CTNND2: variants seen among roughly 807,000 people sequenced by gnomAD.
The protein encoded by CTNND2 is catenin delta 2.
A neutral mutation model predicts 144.4 loss-of-function variants in CTNND2; 22 were observed. That is an observed-to-expected ratio of 0.15 (90% CI 0.11 to 0.22). The LOEUF (loss-of-function observed/expected upper bound fraction) is 0.22, where lower values mean the gene tolerates loss of function less well. Ranked by LOEUF, CTNND2 falls within the 10% of genes least tolerant of loss-of-function variation. The probability of loss-of-function intolerance (pLI) is 1.00; values close to 1 mark genes in which losing one functional copy is unlikely to be tolerated. For synonymous variants in CTNND2, 751 were observed against 695.6 expected (o/e 1.08, Z -1.25); for missense variants, 1,353 against 1,618.8 (o/e 0.84, Z 2.82).
chr5:11,143,595 C>T (rs1756953889), intron 12 of CTNND2, among the ~76,000 whole-genome samples: 1 of 152,182 alleles, frequency 6.6e-6, no homozygotes, highest in Admixed American at 6.5e-5. Context: ...TGGAGCCCAT[C>T]CTAATGACTT....
chr5:11,492,009 C>A (rs1769433619), intron 3 of CTNND2, among the ~76,000 whole-genome samples: 1 of 152,156 alleles, frequency 6.6e-6, no homozygotes, highest in Admixed American at 6.6e-5. Context: ...ATCATCATAA[C>A]CTTTGCAATG....
chr5:11,177,242 G>A (rs780430454), intron 11 of CTNND2, among the ~76,000 whole-genome samples: 5 of 152,164 alleles, frequency 3.3e-5, no homozygotes, highest in African/African-American at 7.2e-5. Flanking sequence ...AGAGAGTGAG[G>A]TTTAGACATT....
intron 3 of CTNND2, among the ~76,000 whole-genome samples, chr5:11,532,213 G>A (rs1048942370): frequency 1.6e-4 from 24 of 152,022 alleles, no homozygotes; most frequent in Admixed American, 1.4e-3. Flanking sequence ...CTACACCACA[G>A]CCCAACTTCT....
intron 3 of CTNND2, among the ~76,000 whole-genome samples, chr5:11,564,552 C>A (rs1776925329): frequency 6.6e-6 from 1 of 151,734 alleles, no homozygotes; most frequent in African/African-American, 2.4e-5. Flanking sequence ...TTAGCAAAAA[C>A]AATACTGGTT....
In CTNND2 at chr5:11,256,020, G is replaced by A. The variant is rs368360714; in HGVS notation, c.1629-19197C>T. ...GGACTTTGTTCCAGAACAGCCCTGCGTTCCGGCCACTGCCTCCTCCCTGGC... is the reference window on the plus strand; with the variant it reads ...GGACTTTGTTCCAGAACAGCCCTGCATTCCGGCCACTGCCTCCTCCCTGGC... On this transcript the variant is annotated intron_variant, in intron 9 of 21. Coordinates refer to ENST00000304623, the MANE Select transcript of CTNND2 (RefSeq NM_001332.4). Among the ~76,000 whole-genome samples, 6 of 152,128 alleles carry A rather than the reference G, an allele frequency of 3.9e-5. 1 individual carries two copies. Among genetic ancestry groups the A allele is most frequent in the Admixed American group, 2.0e-4 (3 of 15,278 alleles).
chr5:11,815,217 A>C (rs1176239481), intron 1 of CTNND2, among the ~76,000 whole-genome samples: 1 of 152,132 alleles, frequency 6.6e-6, no homozygotes, highest in Non-Finnish European at 1.5e-5. Context: ...TAATTCAAAA[A>C]CCATAGAGAA....
At chr5:11,098,128 G>GTTCTTTTCTT (rs3032097) in intron 15 of CTNND2, among the ~76,000 whole-genome samples, 1 of 151,306 alleles carries the variant, frequency 6.6e-6, no homozygotes, top group Non-Finnish European at 1.5e-5. Flanking sequence ...AACATAAGGG[G>GTTCTTTTCTT]TTCTTTTCTT....
intron 11 of CTNND2, among the ~76,000 whole-genome samples, chr5:11,167,367 T>C (rs138494693): frequency 1.3e-5 from 2 of 152,330 alleles, no homozygotes; most frequent in African/African-American, 4.8e-5. Context: ...TCAAAATACA[T>C]ACAAAATTTA....
intron 2 of CTNND2, among the ~76,000 whole-genome samples, chr5:11,659,577 G>A (rs1388895263): frequency 1.3e-5 from 2 of 152,084 alleles, no homozygotes; most frequent in Non-Finnish European, 2.9e-5. Context: ...CTAGAACAAG[G>A]AAACATGGAA....
rs575816694 is a variant in CTNND2 at position 11,214,098 on chromosome 5, A to G, written c.1762-14437T>C. ...AATTCAAATAGCTACAGATGTTGAGAAGGCTGTTATTTCTTTAATAATTTC... is the reference window on the plus strand; with the variant it reads ...AATTCAAATAGCTACAGATGTTGAGGAGGCTGTTATTTCTTTAATAATTTC... On this transcript the variant is annotated intron_variant, in intron 10 of 21. Coordinates refer to ENST00000304623, the MANE Select transcript of CTNND2 (RefSeq NM_001332.4). Among the ~76,000 whole-genome samples, 158 of 152,278 alleles carry G rather than the reference A, an allele frequency of 1.0e-3. 2 individuals carry two copies. The highest frequency in any genetic ancestry group is 3.4e-3 in the Middle Eastern group (1 of 294).
chr5:11,182,258 G>A (rs945165382), intron 11 of CTNND2, among the ~76,000 whole-genome samples: 2 of 151,688 alleles, frequency 1.3e-5, no homozygotes, highest in African/African-American at 4.9e-5. Flanking sequence ...CGTGTGTAGT[G>A]TGTGCATGCA....
intron 2 of CTNND2, among the ~76,000 whole-genome samples, chr5:11,575,232 T>C (rs1000581570): frequency 6.6e-5 from 10 of 152,190 alleles, no homozygotes; most frequent in Admixed American, 6.5e-4. Flanking sequence ...CTTCTTCTCA[T>C]CTACCATAGA....
chr5:11,179,275 A>G (rs556105039), intron 11 of CTNND2, among the ~76,000 whole-genome samples: 1 of 152,278 alleles, frequency 6.6e-6, no homozygotes, highest in South Asian at 2.1e-4. Flanking sequence ...CCTGGGTGAC[A>G]GAGCGAGACT....
intron 2 of CTNND2, among the ~76,000 whole-genome samples, chr5:11,629,277 C>T (rs1781304989): frequency 6.6e-6 from 1 of 152,000 alleles, no homozygotes. Flanking sequence ...ACAACAACAA[C>T]AACAACAACT....
chr5:11,723,821 C>T (rs1298339127), intron 2 of CTNND2, among the ~76,000 whole-genome samples: 2 of 151,844 alleles, frequency 1.3e-5, no homozygotes, highest in Non-Finnish European at 2.9e-5. Flanking sequence ...GTTTGGGAGG[C>T]CGAGGTGGGC....
At chr5:11,018,322 C>G (rs1472161375) in intron 17 of CTNND2, among the ~76,000 whole-genome samples, 1 of 152,162 alleles carries the variant, frequency 6.6e-6, no homozygotes, top group Non-Finnish European at 1.5e-5. Flanking sequence ...TCAGGCCTCC[C>G]TCTTCCATAA....
At chr5:11,462,947 T>C (rs1322288796) in intron 3 of CTNND2, among the ~76,000 whole-genome samples, 1 of 152,124 alleles carries the variant, frequency 6.6e-6, no homozygotes, top group Non-Finnish European at 1.5e-5. Flanking sequence ...ATCTGCAGAC[T>C]CCTCAGTCTT....
At chr5:11,072,340 G>A (rs1038163927) in intron 16 of CTNND2, among the ~76,000 whole-genome samples, 15 of 152,172 alleles carry the variant, frequency 9.9e-5, no homozygotes, top group African/African-American at 3.6e-4. Flanking sequence ...TACATCAAAT[G>A]ATAAGAAACA....
At chr5:11,725,725 G>C (rs1786980386) in intron 2 of CTNND2, among the ~76,000 whole-genome samples, 1 of 152,102 alleles carries the variant, frequency 6.6e-6, no homozygotes, top group Admixed American at 6.5e-5. Context: ...CTGAGGAAAT[G>C]TTTCACATGT....
Sources: allele counts gnomAD v4.1 joint callset (sites outside exome capture counted in the v4.1 genomes callset), GRCh38; gene constraint gnomAD v4.1.1; transcripts MANE v1.5; gene names NCBI Gene and HGNC (gene_info 2026-07-23, HGNC 2026-07-21).